CTSO: variants seen among roughly 807,000 people sequenced by gnomAD.
CTSO encodes the protein cathepsin O.
A neutral mutation model predicts 42.4 loss-of-function variants in CTSO; 40 were observed. The ratio of observed to expected loss-of-function variants is 0.94; its 90% CI spans 0.73 to 1.23. The LOEUF is 1.23. Among genes scored for constraint, CTSO ranks in the 50% most tolerant of loss-of-function variants. The pLI, the probability that CTSO is intolerant of heterozygous loss-of-function variation, is 0.00. For synonymous variants in CTSO, 156 were observed against 146.2 expected (o/e 1.07, Z -0.48); for missense variants, 441 against 396.0 (o/e 1.11, Z -0.96).
intron 4 of CTSO, 121 bp from the exon 5 acceptor site, chr4:155,937,604 G>T: frequency 1.1e-6 from 1 of 946,220 alleles, no homozygotes; most frequent in Non-Finnish European, 1.6e-6. Flanking sequence ...GATATACTTT[G>T]CGTTCTTTTT....
chr4:155,944,529 T>C (rs1438604757), intron 1 of CTSO, among the ~76,000 whole-genome samples: 6 of 152,180 alleles, frequency 3.9e-5, no homozygotes, highest in South Asian at 4.1e-4. Flanking sequence ...GCCATCTTTG[T>C]GAGCTGGAGT....
At chr4:155,946,166 A>G (rs1446047593) in intron 1 of CTSO, among the ~76,000 whole-genome samples, 1 of 152,182 alleles carries the variant, frequency 6.6e-6, no homozygotes, top group Non-Finnish European at 1.5e-5. Flanking sequence ...ATCTCACTAG[A>G]TCATTTGTGA....
At chr4:155,953,688 TC>T in intron 1 of CTSO, 24 bp downstream of exon 1, 1 of 1,257,748 alleles carries the variant, frequency 8.0e-7, no homozygotes, top group Non-Finnish European at 1.0e-6. Context: ...CAGGGACAGA[TC>T]CCGGGGAGGC....
chr4:155,934,332 C>A (rs1278073108), intron 5 of CTSO, among the ~76,000 whole-genome samples: 1 of 152,224 alleles, frequency 6.6e-6, no homozygotes, highest in Non-Finnish European at 1.5e-5. Flanking sequence ...GATGCCCAGG[C>A]AAAAGTTTGC....
intron 1 of CTSO, among the ~76,000 whole-genome samples, chr4:155,952,791 C>T (rs913506376): frequency 1.1e-4 from 16 of 152,190 alleles, no homozygotes; most frequent in African/African-American, 3.4e-4. Context: ...AAAAAAGATA[C>T]ACTTCCTTGA....
intron 2 of CTSO, among the ~76,000 whole-genome samples, chr4:155,942,834 T>G (rs1057490827): frequency 6.6e-6 from 1 of 152,140 alleles, no homozygotes; most frequent in Non-Finnish European, 1.5e-5. Context: ...TGACATCATT[T>G]GTTCTATCAT....
intron 5 of CTSO, among the ~76,000 whole-genome samples, chr4:155,933,984 G>GT (rs1263820562): frequency 6.6e-6 from 1 of 152,232 alleles, no homozygotes; most frequent in Non-Finnish European, 1.5e-5. Flanking sequence ...ATTTGCGTAA[G>GT]TAGCAAGGAG....
chr4:155,943,597 T>C (rs534566981), intron 1 of CTSO, among the ~76,000 whole-genome samples: 2 of 152,250 alleles, frequency 1.3e-5, no homozygotes, highest in African/African-American at 4.8e-5. Flanking sequence ...AAACACTAGA[T>C]ACTAGAAGCA....
At chr4:155,952,191 G>A (rs1165646567) in intron 1 of CTSO, among the ~76,000 whole-genome samples, 2 of 151,924 alleles carry the variant, frequency 1.3e-5, no homozygotes, top group Non-Finnish European at 2.9e-5. Context: ...TTCATAATTC[G>A]ATCCTCCTCC....
At chr4:155,934,079 C>T (rs12510437) in intron 5 of CTSO, among the ~76,000 whole-genome samples, 74,015 of 152,006 alleles carry the variant, frequency 0.49, 19,794 homozygotes, top group East Asian at 0.82. Context: ...ATCACAGGCT[C>T]GGAGGCCCAG....
intron 7 of CTSO, among the ~76,000 whole-genome samples, chr4:155,927,498 G>GCA (rs1560783283): frequency 2.0e-5 from 3 of 152,178 alleles, no homozygotes; most frequent in Non-Finnish European, 4.4e-5. Context: ...GGCTGGGCGT[G>GCA]GTGGCTCACG....
At chr4:155,939,272 C>A in intron 4 of CTSO, 99 bp downstream of exon 4, 2 of 1,043,346 alleles carry the variant, frequency 1.9e-6, no homozygotes, top group Non-Finnish European at 1.4e-6. Flanking sequence ...AACGTGGAAA[C>A]ATTATTTAAT....
chr4:155,926,058 G>A lies in CTSO; in HGVS notation c.944C>T (p.Ser315Phe). ...ATGTCACACAAATATAGAAGAAACG[G>A]AATCTGCAATACCTAAGGGAAAAAA... ...MGSNVCGIAD[S>F]VSSIFV Residue 315 changes from serine to phenylalanine, a missense_variant, in exon 8 of 8, where the codon TCC (serine) becomes TTC (phenylalanine). By Grantham distance (155) the Ser-to-Phe change is radical. Coordinates refer to ENST00000433477, the MANE Select transcript of CTSO (RefSeq NM_001334.3). 1 of 1,585,180 alleles carries A rather than the reference G, an allele frequency of 6.3e-7. No homozygotes were observed. Among genetic ancestry groups the A allele is most frequent in the Non-Finnish European group, 8.6e-7 (1 of 1,167,404 alleles).
chr4:155,934,070 T>C (rs963915711), intron 5 of CTSO, among the ~76,000 whole-genome samples: 4 of 152,178 alleles, frequency 2.6e-5, no homozygotes. Context: ...GCCCCTCCCA[T>C]CACAGGCTCG....
chr4:155,941,822 T>C (rs997649183), intron 3 of CTSO, among the ~76,000 whole-genome samples: 2 of 152,238 alleles, frequency 1.3e-5, no homozygotes, highest in Non-Finnish European at 2.9e-5. Flanking sequence ...GGGGGCAGAT[T>C]TTCTGACAGA....
rs1352174636 is a variant in CTSO, at chr4:155,940,294, A to G, written c.385-756T>C. On this transcript the variant is annotated intron_variant, in intron 3 of 7. Coordinates refer to ENST00000433477, the MANE Select transcript of CTSO (RefSeq NM_001334.3). ...GAATGAAATTAGGGATCGTAGGATC[A>G]CGTAAAAGGAAGAAGGATCCACAGA... is the stretch of plus-strand genomic sequence containing the variant. 6.0e-5 allele frequency among the ~76,000 whole-genome samples: 9 copies of G among 151,142 alleles called. No homozygotes were observed. The East Asian group carries it at 1.7e-3, about 29-fold the overall frequency.
At chr4:155,926,394 G>A (rs1743129425) in intron 7 of CTSO, among the ~76,000 whole-genome samples, 1 of 152,116 alleles carries the variant, frequency 6.6e-6, no homozygotes, top group African/African-American at 2.4e-5. Context: ...TTATTTCTTA[G>A]AGGCAAAATA....
At position 155,951,481 on chromosome 4, in the gene CTSO, G is replaced by A. The variant is rs76944395; in HGVS notation, c.135+2232C>T. On this transcript the variant is annotated intron_variant, in intron 1 of 7. Coordinates refer to ENST00000433477, the MANE Select transcript of CTSO (RefSeq NM_001334.3). ...AGGCATCCCATAATAAACCATAGTG[G>A]AGTCTAGTTTTCACTGAACAATACT... 5.7e-4 allele frequency among the ~76,000 whole-genome samples: 87 copies of A among 152,258 alleles called. 1 individual carries two copies. In the East Asian group the frequency reaches 0.015, roughly 27 times the overall value.
intron 7 of CTSO, among the ~76,000 whole-genome samples, chr4:155,926,830 T>C (rs775310688): frequency 8.5e-5 from 13 of 152,216 alleles, no homozygotes; most frequent in Non-Finnish European, 1.8e-4. Context: ...GGGACGTAGT[T>C]ATAATTGAGG....
Sources: gnomAD v4.1 joint callset for allele counts (sites outside exome capture counted in the v4.1 genomes callset) on GRCh38, gnomAD v4.1.1 for gene constraint, MANE v1.5 for transcripts, NCBI Gene and HGNC (gene_info 2026-07-23, HGNC 2026-07-21) for gene names.